JAK1: variants seen among roughly 807,000 people sequenced by gnomAD.
The protein encoded by JAK1 is tyrosine-protein kinase JAK1.
In JAK1, 16 loss-of-function variants were observed where a neutral mutation model predicts 136.6. That is an observed-to-expected ratio of 0.12 (90% CI 0.08 to 0.18). The LOEUF (loss-of-function observed/expected upper bound fraction) is 0.18. Ranked by LOEUF, JAK1 falls within the 10% of genes least tolerant of loss-of-function variation. The pLI, the probability that JAK1 is intolerant of heterozygous loss-of-function variation, is 1.00. For missense variants in JAK1, 859 were observed against 1,450.1 expected (o/e 0.59, Z 6.62); for synonymous variants, 492 against 519.5 (o/e 0.95, Z 0.72).
At chr1:65,002,190 T>C (rs1034533823) in intron 2 of JAK1, 1 of 152,228 alleles carries the variant, frequency 6.6e-6, no homozygotes, top group African/African-American at 2.4e-5. Flanking sequence ...CGTATGTGTA[T>C]ATATGCACAT....
chr1:65,057,995 T>G (rs1051995081), intron 1 of JAK1, among the ~76,000 whole-genome samples: 3 of 152,206 alleles, frequency 2.0e-5, no homozygotes, highest in Non-Finnish European at 2.9e-5. Flanking sequence ...CTTTTATTTA[T>G]GCAACAATTT....
intron 2 of JAK1, among the ~76,000 whole-genome samples, chr1:65,042,309 A>G (rs1004081354): frequency 6.6e-6 from 1 of 152,058 alleles, no homozygotes; most frequent in Non-Finnish European, 1.5e-5. Context: ...TTGCTACCTG[A>G]GGGAATCCTG....
At chr1:64,899,835 A>G (rs1438894343) in intron 1 of JAK1, among the ~76,000 whole-genome samples, 1 of 152,214 alleles carries the variant, frequency 6.6e-6, no homozygotes, top group African/African-American at 2.4e-5. Flanking sequence ...CAAGAATCTT[A>G]CAATATGGTA....
chr1:64,967,295 T>G (rs189195476), upstream of JAK1, among the ~76,000 whole-genome samples: 365 of 152,278 alleles, frequency 2.4e-3, 2 homozygotes, highest in African/African-American at 8.4e-3. Flanking sequence ...TAGGTATCTC[T>G]CCAATCAGTT....
intron 1 of JAK1, among the ~76,000 whole-genome samples, chr1:65,046,587 C>T (rs925658390): frequency 6.6e-6 from 1 of 152,142 alleles, no homozygotes; most frequent in Non-Finnish European, 1.5e-5. Context: ...TGTAGCTGTC[C>T]ATCAGTGGAA....
intron 2 of JAK1, among the ~76,000 whole-genome samples, chr1:64,996,530 T>A (rs1253602227): frequency 1.3e-5 from 2 of 152,270 alleles, no homozygotes; most frequent in African/African-American, 2.4e-5. Context: ...TCCACATTTG[T>A]GGTTATTGTA....
At position 65,035,870 on chromosome 1, in the gene JAK1, C is replaced by G. The variant is rs539602508; in HGVS notation, c.-78+8610G>C. Among the ~76,000 whole-genome samples the G allele has an allele frequency of 4.1e-4, 62 of 152,290 alleles. No homozygotes were observed. In the South Asian group the frequency reaches 5.8e-3, roughly 14 times the overall value. On this transcript the variant is annotated intron_variant, in intron 2 of 25. Coordinates refer to the JAK1 transcript ENST00000671954. ...GATCATGAGGTCACAAGCTCGAGAC[C>G]AGCCTGGCCAACATGGTGAAACCCC...
chr1:64,940,543 TG>T (rs1234060046), intron 1 of JAK1, among the ~76,000 whole-genome samples: 1 of 152,054 alleles, frequency 6.6e-6, no homozygotes, highest in Non-Finnish European at 1.5e-5. Context: ...TCTCCAATTC[TG>T]GGGCTCAAGT....
chr1:64,875,065 G>A (rs991678576), intron 4 of JAK1, among the ~76,000 whole-genome samples: 1 of 152,186 alleles, frequency 6.6e-6, no homozygotes, highest in African/African-American at 2.4e-5. Context: ...TATGTTTTCT[G>A]ATTTTAAGTG....
At chr1:64,839,871 T>C in intron 19 of JAK1, 76 bp from the exon 20 acceptor site, 2 of 1,266,988 alleles carry the variant, frequency 1.6e-6, no homozygotes, top group Non-Finnish European at 2.2e-6. Flanking sequence ...GTCTTGCTCC[T>C]CACAGCCGTT....
intron 12 of JAK1, among the ~76,000 whole-genome samples, chr1:64,849,179 CAGG>C (rs1285514126): frequency 6.6e-6 from 1 of 151,918 alleles, no homozygotes; most frequent in African/African-American, 2.4e-5. Flanking sequence ...GTTCATCCTC[CAGG>C]AGGAGACCCT....
intron 1 of JAK1, among the ~76,000 whole-genome samples, chr1:64,911,249 T>C (rs1022630877): frequency 6.6e-6 from 1 of 152,200 alleles, no homozygotes; most frequent in Admixed American, 6.5e-5. Flanking sequence ...GAAAGATTAA[T>C]AGTAAACAAT....
chr1:64,904,833 G>C (rs1403102789), intron 1 of JAK1, among the ~76,000 whole-genome samples: 2 of 152,056 alleles, frequency 1.3e-5, no homozygotes, highest in East Asian at 3.8e-4. Context: ...GACTAAAACA[G>C]TGTTCATAAA....
chr1:64,933,245 T>C (rs867939625), intron 1 of JAK1, among the ~76,000 whole-genome samples: 4 of 152,150 alleles, frequency 2.6e-5, no homozygotes, highest in Admixed American at 6.5e-5. Context: ...CACTTCCCTT[T>C]CCAGGGAAGA....
intron 12 of JAK1, chr1:64,847,959 AAC>A (rs1269755759): frequency 5.5e-5 from 22 of 403,174 alleles, no homozygotes; most frequent in Non-Finnish European, 7.7e-5. Flanking sequence ...ACACAGTCCT[AAC>A]ATGTCAGGAC....
At chr1:64,841,160 G>T in intron 19 of JAK1, 85 bp downstream of exon 19, 2 of 975,942 alleles carry the variant, frequency 2.0e-6, no homozygotes, top group Non-Finnish European at 3.2e-6. Context: ...GAAAAAGAAT[G>T]GAGAGCAGCT....
In JAK1 at chr1:64,966,485, GC is replaced by G. The variant is rs1403195108; in HGVS notation, c.-231del. ...GCGGCGAGGACAGCCGGGACTGGGC[GC>G]AGGCCCGCACTGTCTGCAGCTCCAG... On this transcript the variant is annotated 5_prime_UTR_variant, in exon 1 of 25. Coordinates refer to ENST00000342505, the MANE Select transcript of JAK1 (RefSeq NM_002227.4). 3 of 150,758 alleles carry G rather than the reference GC, an allele frequency of 2.0e-5. No homozygotes were observed. Among genetic ancestry groups the G allele is most frequent in the Admixed American group, 1.3e-4 (2 of 15,132 alleles). 9.3% of individuals were successfully genotyped at this position (150,758 alleles called of 1,614,324 possible).
intron 8 of JAK1, 26 bp downstream of exon 8, chr1:64,864,761 C>T: frequency 7.6e-6 from 12 of 1,575,522 alleles, no homozygotes; most frequent in Non-Finnish European, 1.0e-5. Context: ...CAGATCCAGA[C>T]TTAAGAGCTT....
chr1:64,838,444 C>G, intron 21 of JAK1, 21 bp downstream of exon 21: 1 of 1,612,572 alleles, frequency 6.2e-7, no homozygotes, highest in South Asian at 1.1e-5. Flanking sequence ...TAATCTGTAA[C>G]ATGATGTCTT....
Sources: gnomAD v4.1 joint callset for allele counts (sites outside exome capture counted in the v4.1 genomes callset) on GRCh38, gnomAD v4.1.1 for gene constraint, MANE v1.5 for transcripts, NCBI Gene and HGNC (gene_info 2026-07-23, HGNC 2026-07-21) for gene names.